The following PIEZO1 variants were observed in gnomAD, a reference collection of about 807,000 sequenced individuals.
PIEZO1 encodes the protein piezo-type mechanosensitive ion channel component 1.
PIEZO1 carries 296 observed loss-of-function variants against 297.2 expected under a neutral mutation model. That is an observed-to-expected ratio of 1.00 (90% CI 0.91 to 1.10). The LOEUF (loss-of-function observed/expected upper bound fraction) is 1.10, where lower values mean the gene tolerates loss of function less well. PIEZO1 is among the 50% of genes least tolerant of loss of function. The pLI is 0.00. For missense variants in PIEZO1, 5,018 were observed against 3,455.5 expected (o/e 1.45, Z -11.34); for synonymous variants, 2,427 against 1,507.5 (o/e 1.61, Z -14.13).
chr16:88,728,332 G>A (rs964494720), intron 22 of PIEZO1, among the ~76,000 whole-genome samples: 4 of 152,274 alleles, frequency 2.6e-5, no homozygotes, highest in East Asian at 1.9e-4. Context: ...GTGACTCCAC[G>A]CATCTGCGAA....
At position 88,749,483 on chromosome 16, in the gene PIEZO1, C is replaced by G; in HGVS notation, c.65-4G>C. On this transcript the variant is annotated splice_region_variant and splice_polypyrimidine_tract_variant and intron_variant, in intron 1 of 50. Coordinates refer to ENST00000301015, the MANE Select transcript of PIEZO1 (RefSeq NM_001142864.4). Reference sequence around the variant, plus strand: ...CCGCTGAAGCGGAGCAGGCAGGCTGCGGGGAGATGGGCGTTAACTAGGTCG... The same window carrying G: ...CCGCTGAAGCGGAGCAGGCAGGCTGGGGGGAGATGGGCGTTAACTAGGTCG... 1.3e-6 allele frequency: 2 copies of G among 1,524,136 alleles called. No individual in the cohort carries two copies. Among genetic ancestry groups the G allele is most frequent in the Non-Finnish European group, 8.8e-7 (1 of 1,141,890 alleles). The allele number at this position is 1,524,136 out of a possible 1,614,324, so 94.4% of individuals were successfully genotyped here. A position where few individuals can be genotyped will look rare whatever the true frequency, so the allele number is the denominator to read the frequency against.
At chr16:88,757,292 C>A (rs1196294099) in intron 1 of PIEZO1, among the ~76,000 whole-genome samples, 1 of 108,558 alleles carries the variant, frequency 9.2e-6, no homozygotes, top group African/African-American at 3.6e-5. Context: ...CTGGTGCAGG[C>A]CCTGGGTATG....
At chr16:88,737,851 A>C in intron 8 of PIEZO1, 37 bp from the exon 9 acceptor site, 1 of 1,533,794 alleles carries the variant, frequency 6.5e-7, no homozygotes, top group South Asian at 1.2e-5. Flanking sequence ...AACCAGCTCC[A>C]CACCCCACCC....
chr16:88,732,979 C>G (rs1904968490), intron 19 of PIEZO1: 1 of 583,582 alleles, frequency 1.7e-6, no homozygotes, highest in Non-Finnish European at 3.0e-6. Flanking sequence ...CGAGAAGGTC[C>G]CAGGCAGAGA....
chr16:88,728,353 CCATCTGCCA>C (rs1292189295), intron 22 of PIEZO1, among the ~76,000 whole-genome samples: 1 of 152,242 alleles, frequency 6.6e-6, no homozygotes, highest in African/African-American at 2.4e-5. Context: ...ACCCACAGCC[CCATCTGCCA>C]CAGAGGGAAC....
At chr16:88,758,164 G>A (rs532015290) in intron 1 of PIEZO1, among the ~76,000 whole-genome samples, 2 of 152,176 alleles carry the variant, frequency 1.3e-5, no homozygotes, top group African/African-American at 4.8e-5. Flanking sequence ...CGGCTGCCCG[G>A]ACTCTCCTCC....
chr16:88,756,815 G>A (rs1018881976), intron 1 of PIEZO1, among the ~76,000 whole-genome samples: 22 of 151,812 alleles, frequency 1.4e-4, no homozygotes, highest in African/African-American at 5.3e-4. Context: ...AGTGGCTCAT[G>A]CCTGTAATCC....
intron 19 of PIEZO1, 171 bp from the exon 20 acceptor site, chr16:88,732,903 G>A: frequency 1.5e-6 from 1 of 658,930 alleles, no homozygotes; most frequent in East Asian, 2.8e-5. Flanking sequence ...AGGTGTTTGA[G>A]AAACAGGGAG....
rs112365327 is a variant in PIEZO1, at chr16:88,748,549, C to T, written c.160+835G>A. On this transcript the variant is annotated intron_variant, in intron 2 of 50. Transcript: ENST00000301015. ...TGAGGTCCAACCCCACAGCGGGCAG[C>T]GGGAGGGCGGTCCAGGCGGCTGGAA... Among the ~76,000 whole-genome samples, 296 of 151,318 alleles carry T rather than the reference C, an allele frequency of 2.0e-3. 2 individuals carry two copies. The highest frequency in any genetic ancestry group is 6.9e-3 in the African/African-American group (283 of 41,206).
intron 1 of PIEZO1, among the ~76,000 whole-genome samples, chr16:88,759,656 G>C (rs1906835152): frequency 6.6e-6 from 1 of 152,226 alleles, no homozygotes; most frequent in African/African-American, 2.4e-5. Context: ...CCCAGGCAGA[G>C]CACAAAAAGC....
chr16:88,750,360 CTA>C (rs1479476928), intron 1 of PIEZO1, among the ~76,000 whole-genome samples: 1 of 152,216 alleles, frequency 6.6e-6, no homozygotes, highest in Non-Finnish European at 1.5e-5. Flanking sequence ...CAAAAAAATG[CTA>C]TGATTCCTGC....
chr16:88,733,510 C>A, intron 18 of PIEZO1, 56 bp from the exon 19 acceptor site: 1 of 1,531,752 alleles, frequency 6.5e-7, no homozygotes, highest in Non-Finnish European at 8.8e-7. Flanking sequence ...GCACGTGGGG[C>A]TGGGCTTGGG....
At position 88,725,616 on chromosome 16, in the gene PIEZO1, G is replaced by A. The variant is rs1904366447; in HGVS notation, c.4037C>T (p.Ser1346Phe). 3 of 1,549,258 alleles carry A rather than the reference G, an allele frequency of 1.9e-6. No homozygotes were observed. Among genetic ancestry groups the A allele is most frequent in the Non-Finnish European group, 2.6e-6 (3 of 1,145,782 alleles). The change falls in exon 28 of 51, where the codon TCC becomes TTC. Residue 1346 changes from serine (S) to phenylalanine (F), a missense_variant. Transcript: ENST00000301015. ...CTACTGTCTTTTCAGCTGGGCCAGG[G>A]ACTTCTCCTCTATCCTGCGGTGAAA... ...IDFHRRIEEK[S>F]LAQLKRQMER...
intron 1 of PIEZO1, among the ~76,000 whole-genome samples, chr16:88,755,284 G>T (rs985345833): frequency 8.5e-5 from 13 of 152,234 alleles, no homozygotes; most frequent in Non-Finnish European, 1.9e-4. Context: ...CTAATCTGCT[G>T]ATTAACCCCG....
At chr16:88,779,485 TGGGA>T (rs1451403590) in intron 1 of PIEZO1, among the ~76,000 whole-genome samples, 2 of 152,068 alleles carry the variant, frequency 1.3e-5, no homozygotes, top group Non-Finnish European at 2.9e-5. Context: ...CTGGCTAGCT[TGGGA>T]GGGAGAGCAG....
chr16:88,748,783 G>A (rs1906205442), intron 2 of PIEZO1, among the ~76,000 whole-genome samples: 1 of 151,966 alleles, frequency 6.6e-6, no homozygotes, highest in Non-Finnish European at 1.5e-5. Context: ...AAGAAACTTT[G>A]ATGGCTGGGC....
At chr16:88,749,363 G>A in intron 2 of PIEZO1, 21 bp downstream of exon 2, 2 of 1,449,948 alleles carry the variant, frequency 1.4e-6, no homozygotes, top group Non-Finnish European at 1.8e-6. Context: ...TGAGAGCGTG[G>A]GCAGGGTCCC....
At chr16:88,755,092 C>T (rs545842860) in intron 1 of PIEZO1, among the ~76,000 whole-genome samples, 34 of 152,282 alleles carry the variant, frequency 2.2e-4, no homozygotes, top group South Asian at 8.3e-4. Flanking sequence ...AGTGCAGGCA[C>T]GGGGCTGGGT....
chr16:88,784,852 C>T (rs1261025591), intron 1 of PIEZO1, 49 bp downstream of exon 1: 1 of 1,309,266 alleles, frequency 7.6e-7, no homozygotes, highest in Non-Finnish European at 1.0e-6. Flanking sequence ...CGTGGGGAGC[C>T]GAGACGCAGC....
Sources: allele counts gnomAD v4.1 joint callset (sites outside exome capture counted in the v4.1 genomes callset), GRCh38; gene constraint gnomAD v4.1.1; transcripts MANE v1.5; gene names NCBI Gene and HGNC (gene_info 2026-07-23, HGNC 2026-07-21).